Variants in TMEM120B observed in about 807,000 individuals in gnomAD.
TMEM120B encodes transmembrane protein 120B.
Under a neutral mutation model 55.5 loss-of-function variants are expected in TMEM120B, and 31 were observed. The ratio of observed to expected loss-of-function variants is 0.56; its 90% CI spans 0.42 to 0.75. TMEM120B has a LOEUF of 0.75. TMEM120B is among the 30% of genes least tolerant of loss of function. The pLI, the probability that TMEM120B is intolerant of heterozygous loss-of-function variation, is 0.00. For synonymous variants in TMEM120B, 203 were observed against 176.3 expected (o/e 1.15, Z -1.20); for missense variants, 399 against 425.5 (o/e 0.94, Z 0.55).
intron 5 of TMEM120B, among the ~76,000 whole-genome samples, chr12:121,757,897 C>T (rs1873531733): frequency 6.6e-6 from 1 of 152,350 alleles, no homozygotes; most frequent in Middle Eastern, 3.4e-3. Context: ...AAGTGATCCA[C>T]CCACGTTAGC....
chr12:121,725,853 A>G (rs573871270), intron 1 of TMEM120B, among the ~76,000 whole-genome samples: 10 of 152,118 alleles, frequency 6.6e-5, no homozygotes, highest in African/African-American at 2.4e-4. Context: ...CCTGGCCAAC[A>G]TGGTGAAACC....
chr12:121,731,267 T>C (rs776347596), intron 1 of TMEM120B, among the ~76,000 whole-genome samples: 2 of 152,168 alleles, frequency 1.3e-5, no homozygotes, highest in South Asian at 4.1e-4. Context: ...ATTTTATTTT[T>C]TTCAGGCGTA....
At chr12:121,758,205 C>T (rs1383250173) in intron 5 of TMEM120B, 2 of 985,360 alleles carry the variant, frequency 2.0e-6, no homozygotes, top group East Asian at 1.1e-4. Context: ...CTGACTCTCT[C>T]ACAGAGTTCT....
At chr12:121,714,337 G>A (rs1016634964) in intron 1 of TMEM120B, among the ~76,000 whole-genome samples, 5 of 151,944 alleles carry the variant, frequency 3.3e-5, no homozygotes, top group African/African-American at 9.7e-5. Flanking sequence ...GCTTACTACA[G>A]CCTCCGCCTC....
In TMEM120B at chr12:121,775,626, C is replaced by T. The variant is rs1874215337; in HGVS notation, c.924C>T (p.Phe308=). 6.2e-7 allele frequency: 1 copy of T among 1,613,866 alleles called. No individual in the cohort carries two copies. Among genetic ancestry groups the T allele is most frequent in the Non-Finnish European group, 8.5e-7 (1 of 1,179,894 alleles). ...CREWQVFVLA[F]TFLILFLGNF... is the part of the protein sequence containing the mutation. ...TCCCCCAGGTGTTCGTACTGGCGTTCACCTTCCTCATCCTCTTCCTCGGCA... is the reference window on the plus strand; with the variant it reads ...TCCCCCAGGTGTTCGTACTGGCGTTTACCTTCCTCATCCTCTTCCTCGGCA... The change falls in exon 12 of 12, where the codon TTC becomes TTT. Residue 308 remains phenylalanine, a synonymous_variant. Coordinates refer to ENST00000449592, the MANE Select transcript of TMEM120B (RefSeq NM_001080825.2). The surrounding 1 kb of genome is among the most constrained non-coding windows in gnomAD (Gnocchi z 4.3).
At chr12:121,740,445 AC>A (rs1434284567) in intron 1 of TMEM120B, among the ~76,000 whole-genome samples, 1 of 152,064 alleles carries the variant, frequency 6.6e-6, no homozygotes, top group African/African-American at 2.4e-5. Flanking sequence ...AGATCATGCC[AC>A]TGCACTCCAG....
At chr12:121,757,933 G>A (rs1041853878) in intron 5 of TMEM120B, among the ~76,000 whole-genome samples, 1 of 152,166 alleles carries the variant, frequency 6.6e-6, no homozygotes, top group Admixed American at 6.5e-5. Context: ...AATTATAGGC[G>A]CAAGCCACTG....
chr12:121,739,929 C>T (rs547277195), intron 1 of TMEM120B, among the ~76,000 whole-genome samples: 17 of 151,820 alleles, frequency 1.1e-4, no homozygotes, highest in Non-Finnish European at 1.8e-4. Flanking sequence ...CAGGTGCCCG[C>T]CACCATGCCC....
At position 121,780,788 on chromosome 12, in the gene TMEM120B, A is replaced by T. The variant is rs1279411500; in HGVS notation, c.*5066A>T. On this transcript the variant is annotated 3_prime_UTR_variant, in exon 12 of 12. Transcript: ENST00000449592. ...GCTTCCCTCAGCTCCCTGAAAGGCC[A>T]CTAAGGCACCCCAGTTGCAGAGGCC... 3.4e-6 allele frequency: 5 copies of T among 1,481,054 alleles called. No homozygotes were observed. The South Asian group carries it at 3.9e-5, about 12-fold the overall frequency. 91.7% of individuals were successfully genotyped at this position (1,481,054 alleles called of 1,614,324 possible). A position where few individuals can be genotyped will look rare whatever the true frequency, so the allele number is the denominator to read the frequency against.
In TMEM120B at chr12:121,775,967, C is replaced by G. The variant is rs1874232341; in HGVS notation, c.*245C>G. ...TGGAACCCGAGGCCTCACTCCTGTG[C>G]TTGAAGGTGGCTGAGGCCGGGCCAG... On this transcript the variant is annotated 3_prime_UTR_variant, in exon 12 of 12. Coordinates refer to ENST00000449592, the MANE Select transcript of TMEM120B (RefSeq NM_001080825.2). This position sits in a 1 kb window ranked among gnomAD's most constrained non-coding sequence, Gnocchi z 4.3. 1.7e-6 allele frequency: 1 copy of G among 601,472 alleles called. No homozygotes were observed. Among genetic ancestry groups the G allele is most frequent in the Middle Eastern group, 2.7e-4 (1 of 3,680 alleles). 37.3% of individuals were successfully genotyped at this position (601,472 alleles called of 1,614,324 possible).
chr12:121,730,375 G>A (rs541926395), intron 1 of TMEM120B, among the ~76,000 whole-genome samples: 6 of 150,596 alleles, frequency 4.0e-5, no homozygotes, highest in African/African-American at 1.2e-4. Context: ...GTCTGGGCAC[G>A]GTGGCTCACA....
At position 121,775,306 on chromosome 12, in the gene TMEM120B, T is replaced by C. The variant is rs1874202565; in HGVS notation, c.906+176T>C. 8.2e-6 allele frequency among the ~76,000 whole-genome samples: 1 copy of C among 121,516 alleles called. No homozygotes were observed. The highest frequency in any genetic ancestry group is 1.7e-5 in the Non-Finnish European group (1 of 58,226). 79.7% of individuals were successfully genotyped at this position (121,516 alleles called of 152,430 possible). A position where few individuals can be genotyped will look rare whatever the true frequency, so the allele number is the denominator to read the frequency against. ...CTGTGGGGAGGTTCCTGGGGCGGGC[T>C]GGGCTGGCAGGTGTGGGGTGTTGTG... On this transcript the variant is annotated intron_variant, in intron 11 of 11. Transcript: ENST00000449592. This position sits in a 1 kb window ranked among gnomAD's most constrained non-coding sequence, Gnocchi z 4.3.
chr12:121,733,275 C>T (rs1453793502), intron 1 of TMEM120B, among the ~76,000 whole-genome samples: 3 of 152,034 alleles, frequency 2.0e-5, no homozygotes, highest in Non-Finnish European at 2.9e-5. Context: ...GAGAGAGTCT[C>T]GCTCTGTTGC....
In TMEM120B at chr12:121,770,965, C is replaced by T. The variant is rs773442629; in HGVS notation, c.610C>T (p.Leu204=). 6.4e-5 allele frequency: 104 copies of T among 1,613,842 alleles called. 1 individual carries two copies. In the South Asian group the frequency reaches 1.1e-3, roughly 17 times the overall value. ...CTCCACATTCCTGTCCGGAGTGATG[C>T]TGACCTGGTGAGTAGCCCCTCGCTG... ...YVSTFLSGVM[L]TWPNGPIYQK... is the part of the protein sequence containing the mutation. Residue 204 remains leucine, a synonymous_variant, in exon 7 of 12, where the codon CTG becomes TTG. Coordinates refer to ENST00000449592, the MANE Select transcript of TMEM120B (RefSeq NM_001080825.2).
intron 7 of TMEM120B, 129 bp from the exon 8 acceptor site, chr12:121,771,359 C>A: frequency 1.2e-6 from 1 of 805,370 alleles, no homozygotes; most frequent in Non-Finnish European, 2.1e-6. Context: ...GATAGAAGGG[C>A]GGAAGTCTGG....
At chr12:121,752,077 C>T in intron 4 of TMEM120B, 51 bp from the exon 5 acceptor site, 4 of 1,507,132 alleles carry the variant, frequency 2.7e-6, no homozygotes, top group Non-Finnish European at 3.7e-6. Context: ...TGCCCAGGTG[C>T]TGGAATAGTC....
chr12:121,779,602 G>T lies in TMEM120B; in HGVS notation c.*3880G>T. ...CGGAAGACGTCCTCCACATTCTCCC[G>T]AAACTTGGCGGAACATTCCAGGTAG... is the stretch of plus-strand genomic sequence containing the variant. On this transcript the variant is annotated 3_prime_UTR_variant, in exon 12 of 12. Coordinates refer to ENST00000449592, the MANE Select transcript of TMEM120B (RefSeq NM_001080825.2). 6.2e-7 allele frequency: 1 copy of T among 1,614,222 alleles called. No individual in the cohort carries two copies. Among genetic ancestry groups the T allele is most frequent in the Non-Finnish European group, 8.5e-7 (1 of 1,180,036 alleles).
Position 121,775,420 on chromosome 12 carries a change from C to T in TMEM120B, c.907-189C>T. 1 of 985,086 alleles carries T rather than the reference C, an allele frequency of 1.0e-6. No individual in the cohort carries two copies. The highest frequency in any genetic ancestry group is 1.2e-6 in the Non-Finnish European group (1 of 829,694). 61.0% of individuals were successfully genotyped at this position (985,086 alleles called of 1,614,324 possible). Reference sequence around the variant, plus strand: ...TCCCAAGGAGGTTCGCCCCATCGAGCCCTTCCCAGGCCCTGCCCAAGCCTG... The same window carrying T: ...TCCCAAGGAGGTTCGCCCCATCGAGTCCTTCCCAGGCCCTGCCCAAGCCTG... On this transcript the variant is annotated intron_variant, in intron 11 of 11. Coordinates refer to ENST00000449592, the MANE Select transcript of TMEM120B (RefSeq NM_001080825.2). The surrounding 1 kb of genome is among the most constrained non-coding windows in gnomAD (Gnocchi z 4.3).
chr12:121,762,872 G>C (rs1290165949), intron 6 of TMEM120B, among the ~76,000 whole-genome samples: 1 of 152,186 alleles, frequency 6.6e-6, no homozygotes, highest in African/African-American at 2.4e-5. Flanking sequence ...GTGACCCTGG[G>C]CAAGCCATGT....
Sources: gnomAD v4.1 joint callset for allele counts (sites outside exome capture counted in the v4.1 genomes callset) on GRCh38, gnomAD v4.1.1 for gene constraint, Gnocchi (gnomAD v3.1) non-coding constraint, MANE v1.5 for transcripts, NCBI Gene and HGNC (gene_info 2026-07-23, HGNC 2026-07-21) for gene names.